NFE2L3: variants seen among roughly 807,000 people sequenced by gnomAD.
NFE2L3 encodes the protein NFE2 like bZIP transcription factor 3.
A neutral mutation model predicts 23.5 loss-of-function variants in NFE2L3; 18 were observed. That is an observed-to-expected ratio of 0.77 (90% CI 0.53 to 1.13). The LOEUF is 1.13. NFE2L3 is among the 50% of genes most tolerant of loss of function. The pLI is 0.00. For synonymous variants in NFE2L3, 424 were observed against 354.5 expected (o/e 1.20, Z -2.20); for missense variants, 1,152 against 877.2 (o/e 1.31, Z -3.96).
At chr7:26,170,394 C>A (rs1784316780) in intron 1 of NFE2L3, among the ~76,000 whole-genome samples, 1 of 152,108 alleles carries the variant, frequency 6.6e-6, no homozygotes, top group Non-Finnish European at 1.5e-5. Context: ...TCATATTCAC[C>A]CCCTCGTTTC....
At chr7:26,177,845 T>C (rs1414204921) in intron 1 of NFE2L3, 98 bp from the exon 2 acceptor site, 8 of 1,031,096 alleles carry the variant, frequency 7.8e-6, no homozygotes, top group Non-Finnish European at 1.2e-5. Flanking sequence ...ATGCCGGTCT[T>C]AGCTTTTGAC....
Position 26,185,084 on chromosome 7 carries a change from A to C in NFE2L3, c.1386A>C (p.Glu462Asp), listed in dbSNP as rs1000507880. 6.2e-7 allele frequency: 1 copy of C among 1,613,922 alleles called. No individual in the cohort carries two copies. Among genetic ancestry groups the C allele is most frequent in the Non-Finnish European group, 8.5e-7 (1 of 1,179,840 alleles). Residue 462 changes from glutamate to aspartate, a missense_variant, in exon 4 of 4, where the codon GAA (glutamate) becomes GAC (aspartate). Coordinates refer to ENST00000056233, the MANE Select transcript of NFE2L3 (RefSeq NM_004289.7). ...DHESSSHHDL[E>D]GAVGGYYPEP... ...AATCTAGTTCCCATCATGACTTAGA[A>C]GGTGCTGTAGGTGGCTACTACCCAG...
At chr7:26,172,115 T>A (rs1458298241) in intron 1 of NFE2L3, among the ~76,000 whole-genome samples, 1 of 152,238 alleles carries the variant, frequency 6.6e-6, no homozygotes, top group Admixed American at 6.5e-5. Flanking sequence ...AATTTAAATG[T>A]TAGAAGAGTT....
At chr7:26,167,677 A>G (rs1284895773) in intron 1 of NFE2L3, among the ~76,000 whole-genome samples, 1 of 152,218 alleles carries the variant, frequency 6.6e-6, no homozygotes, top group Non-Finnish European at 1.5e-5. Flanking sequence ...AACTAGTAAA[A>G]CATACTCTGT....
intron 1 of NFE2L3, among the ~76,000 whole-genome samples, chr7:26,159,314 C>A (rs1266748646): frequency 1.3e-5 from 2 of 152,182 alleles, no homozygotes; most frequent in Non-Finnish European, 2.9e-5. Flanking sequence ...CCTCTCAAGT[C>A]TTTTATGGTT....
At chr7:26,174,805 A>C (rs911470169) in intron 1 of NFE2L3, 1 of 152,198 alleles carries the variant, frequency 6.6e-6, no homozygotes, top group Non-Finnish European at 1.5e-5. Flanking sequence ...GAAAGAGTGA[A>C]AAAGTTTGAC....
chr7:26,185,194 C>G lies in NFE2L3; in HGVS notation c.1496C>G (p.Thr499Ser). ...LTFQHVFHNH[T>S]YHLQPTAPES... ...TTTCAACACGTATTTCATAACCACA[C>G]TTACCACTTACAGCCAACTGCACCA... The change falls in exon 4 of 4, where the codon ACT becomes AGT. Residue 499 changes from threonine to serine, a missense_variant. Thr to Ser is a moderately conservative substitution (Grantham distance 58, BLOSUM62 1). Transcript: ENST00000056233. 1 of 1,613,896 alleles carries G rather than the reference C, an allele frequency of 6.2e-7. No homozygotes were observed. The highest frequency in any genetic ancestry group is 8.5e-7 in the Non-Finnish European group (1 of 1,179,868).
intron 1 of NFE2L3, among the ~76,000 whole-genome samples, chr7:26,165,069 A>G (rs1784228107): frequency 1.3e-5 from 2 of 152,176 alleles, no homozygotes; most frequent in South Asian, 2.1e-4. Context: ...GTATAGTTTG[A>G]AGTCAGGTAG....
chr7:26,152,439 G>A lies in NFE2L3; in HGVS notation c.-60G>A, dbSNP rs1784010415. On this transcript the variant is annotated 5_prime_UTR_variant, in exon 1 of 4. Transcript: ENST00000056233. This position sits in a 1 kb window ranked among gnomAD's most constrained non-coding sequence, Gnocchi z 4.4. Reference sequence around the variant, plus strand: ...CGCGGGGTCCGCACGTGTCACCCCGGCGGCTGGGGCGCCGGGACCCGCGGG... The same window carrying A: ...CGCGGGGTCCGCACGTGTCACCCCGACGGCTGGGGCGCCGGGACCCGCGGG... 1 of 1,170,158 alleles carries A rather than the reference G, an allele frequency of 8.5e-7. No individual in the cohort carries two copies. The highest frequency in any genetic ancestry group is 4.1e-5 in the South Asian group (1 of 24,552). 72.5% of individuals were successfully genotyped at this position (1,170,158 alleles called of 1,614,324 possible).
chr7:26,167,332 G>A (rs1369046931), intron 1 of NFE2L3, among the ~76,000 whole-genome samples: 1 of 152,144 alleles, frequency 6.6e-6, no homozygotes, highest in Non-Finnish European at 1.5e-5. Context: ...ACCCAGTTTT[G>A]GTTAAAGGGC....
chr7:26,182,345 C>T lies in NFE2L3; in HGVS notation c.751-1356C>T, dbSNP rs140520705. The stretch of plus-strand genomic sequence containing the variant: ...GAAGGCAAAATAATTCCATGTAGGC[C>T]GGGCATGGTGTCTCATGCCTGTAAT... On this transcript the variant is annotated intron_variant, in intron 2 of 3. Coordinates refer to ENST00000056233, the MANE Select transcript of NFE2L3 (RefSeq NM_004289.7). Among the ~76,000 whole-genome samples, 920 of 149,740 alleles carry T rather than the reference C, an allele frequency of 6.1e-3. 7 individuals are homozygous for T. The highest frequency in any genetic ancestry group is 9.8e-3 in the Non-Finnish European group (667 of 68,002).
In NFE2L3 at chr7:26,152,561, G is replaced by A; in HGVS notation, c.63G>A (p.Leu21=). Residue 21 remains leucine, a synonymous_variant, in exon 1 of 4, where the codon CTG becomes CTA. Transcript: ENST00000056233. This position sits in a 1 kb window ranked among gnomAD's most constrained non-coding sequence, Gnocchi z 4.4. The stretch of plus-strand genomic sequence containing the variant: ...GCCTCCTGCACCTCACCCTCCTGCT[G>A]AGCTTGGCGGGGCTCCGCGTAGACC... ...GGGLLHLTLL[L]SLAGLRVDLD... The A allele has an allele frequency of 6.5e-7, 1 of 1,527,406 alleles. No homozygotes were observed. The highest frequency in any genetic ancestry group is 8.7e-7 in the Non-Finnish European group (1 of 1,146,114). 94.6% of individuals were successfully genotyped at this position (1,527,406 alleles called of 1,614,324 possible).
chr7:26,153,314 T>A (rs1784027898), intron 1 of NFE2L3, among the ~76,000 whole-genome samples: 1 of 152,194 alleles, frequency 6.6e-6, no homozygotes, highest in Admixed American at 6.5e-5. Flanking sequence ...GAGAATACCT[T>A]TCCTTGTGTG....
In NFE2L3 at chr7:26,178,105, A is replaced by G; in HGVS notation, c.733A>G (p.Thr245Ala). 6.2e-7 allele frequency: 1 copy of G among 1,613,194 alleles called. No individual in the cohort carries two copies. The highest frequency in any genetic ancestry group is 8.5e-7 in the Non-Finnish European group (1 of 1,179,712). Residue 245 changes from threonine (T) to alanine (A), a missense_variant, in exon 2 of 4, where the codon ACT (threonine) becomes GCT (alanine). By Grantham distance (58) the Thr-to-Ala change is moderately conservative. Coordinates refer to ENST00000056233, the MANE Select transcript of NFE2L3 (RefSeq NM_004289.7). ...EKPDWEAEKT[T>A]ESRNERHLNG... is the part of the protein sequence containing the mutation. Reference sequence around the variant, plus strand: ...ACCTGACTGGGAGGCAGAAAAGACCACTGAATCTAGAAATGAGGTAAGCCT... The same window carrying G: ...ACCTGACTGGGAGGCAGAAAAGACCGCTGAATCTAGAAATGAGGTAAGCCT...
chr7:26,152,570 G>C lies in NFE2L3; in HGVS notation c.72G>C (p.Ala24=). The C allele has an allele frequency of 6.5e-7, 1 of 1,530,674 alleles. No homozygotes were observed. The highest frequency in any genetic ancestry group is 2.7e-5 in the East Asian group (1 of 37,288). The allele number at this position is 1,530,674 out of a possible 1,614,324, so 94.8% of individuals were successfully genotyped here. ...LLHLTLLLSL[A]GLRVDLDLYL... ...ACCTCACCCTCCTGCTGAGCTTGGC[G>C]GGGCTCCGCGTAGACCTAGATCTTT... Residue 24 remains alanine, a synonymous_variant, in exon 1 of 4, where the codon GCG becomes GCC. Transcript: ENST00000056233. The surrounding 1 kb of genome is among the most constrained non-coding windows in gnomAD (Gnocchi z 4.4).
At chr7:26,183,879 TTTAAAGTAATGCTTATTTTTACAGAAGC>T (rs762128763) in intron 3 of NFE2L3, 95 bp downstream of exon 3, 6 of 794,232 alleles carry the variant, frequency 7.6e-6, no homozygotes, top group Non-Finnish European at 1.3e-5. Flanking sequence ...GACACAGCAG[TTTAAAGTAATGCTTATTTTTACAGAAGC>T]ACTTCAGCTT....
At chr7:26,163,108 T>C (rs576806989) in intron 1 of NFE2L3, among the ~76,000 whole-genome samples, 10 of 152,284 alleles carry the variant, frequency 6.6e-5, no homozygotes, top group African/African-American at 2.2e-4. Context: ...TCATGGCCGG[T>C]CATGTTTCAT....
chr7:26,170,638 C>G (rs1356260545), intron 1 of NFE2L3, among the ~76,000 whole-genome samples: 1 of 152,178 alleles, frequency 6.6e-6, no homozygotes, highest in Non-Finnish European at 1.5e-5. Context: ...CAAAAAACTC[C>G]TGGCACAGAC....
At chr7:26,170,529 C>T (rs919774962) in intron 1 of NFE2L3, among the ~76,000 whole-genome samples, 1 of 152,110 alleles carries the variant, frequency 6.6e-6, no homozygotes, top group Admixed American at 6.5e-5. Context: ...TGCTCACATA[C>T]CAGATGGCAG....
Sources: allele counts gnomAD v4.1 joint callset (sites outside exome capture counted in the v4.1 genomes callset), GRCh38; gene constraint gnomAD v4.1.1; non-coding constraint Gnocchi (gnomAD v3.1); transcripts MANE v1.5; gene names NCBI Gene and HGNC (gene_info 2026-07-23, HGNC 2026-07-21).